The following NAV2 variants were observed in gnomAD, a reference collection of about 807,000 sequenced individuals.
NAV2 encodes the protein neuron navigator 2.
In NAV2, 54 loss-of-function variants were observed where a neutral mutation model predicts 223.2. The observed-to-expected ratio is 0.24, with a 90% CI of 0.19 to 0.30. The LOEUF is 0.30. NAV2 is among the 10% of genes least tolerant of loss of function. The pLI, the probability that NAV2 is intolerant of heterozygous loss-of-function variation, is 1.00. For missense variants in NAV2, 2,806 were observed against 3,147.5 expected (o/e 0.89, Z 2.60); for synonymous variants, 1,279 against 1,239.3 (o/e 1.03, Z -0.67).
At chr11:20,040,031 GATA>G (rs905268914) in intron 12 of NAV2, among the ~76,000 whole-genome samples, 13 of 152,196 alleles carry the variant, frequency 8.5e-5, no homozygotes, top group Admixed American at 1.3e-4. Flanking sequence ...GTAAAATGTG[GATA>G]ATAACACAGC....
At chr11:19,721,527 A>T (rs568763276) in intron 1 of NAV2, among the ~76,000 whole-genome samples, 4 of 152,366 alleles carry the variant, frequency 2.6e-5, no homozygotes, top group African/African-American at 9.6e-5. Flanking sequence ...TCATTATTTA[A>T]GACAACAGGC....
chr11:20,052,066 C>T (rs1053046499), intron 17 of NAV2, among the ~76,000 whole-genome samples: 5 of 152,314 alleles, frequency 3.3e-5, no homozygotes, highest in African/African-American at 1.2e-4. Context: ...TAATGCCTCC[C>T]CTGTGATCTT....
At position 20,036,033 on chromosome 11, in the gene NAV2, C is replaced by T. The variant is rs776896927; in HGVS notation, c.2843C>T (p.Thr948Ile). The T allele has an allele frequency of 6.2e-7, 1 of 1,614,122 alleles. No individual in the cohort carries two copies. Among genetic ancestry groups the T allele is most frequent in the African/African-American group, 1.3e-5 (1 of 74,940 alleles). ...AACCTCAGCACTGATGACATCAACA[C>T]CAGCTCCTCCATCAGCTCTTATGCC... ...IDNLSTDDIN[T>I]SSSISSYANT... The change falls in exon 12 of 38, where the codon ACC becomes ATC. Residue 948 changes from threonine to isoleucine, a missense_variant. Coordinates refer to ENST00000349880, the MANE Select transcript of NAV2 (RefSeq NM_145117.5).
intron 1 of NAV2, among the ~76,000 whole-genome samples, chr11:19,775,090 G>A (rs1565293038): frequency 6.6e-6 from 1 of 152,144 alleles, no homozygotes. Flanking sequence ...GCTTTAAAAA[G>A]CTGTGATAGA....
At chr11:19,616,335 T>TGTGTGTGTGTGTGTGC (rs1159006427) in intron 1 of NAV2, among the ~76,000 whole-genome samples, 1 of 148,302 alleles carries the variant, frequency 6.7e-6, no homozygotes, top group African/African-American at 2.5e-5. Flanking sequence ...TGTGTGTGTG[T>TGTGTGTGTGTGTGTGC]GCGCGCGCAT....
intron 1 of NAV2, among the ~76,000 whole-genome samples, chr11:19,642,305 C>A (rs566477143): frequency 6.6e-5 from 10 of 152,334 alleles, no homozygotes; most frequent in African/African-American, 1.9e-4. Flanking sequence ...CACCAGAAGA[C>A]AAAGCCATTT....
At chr11:19,447,961 C>G (rs1851647190) in intron 1 of NAV2, among the ~76,000 whole-genome samples, 1 of 152,230 alleles carries the variant, frequency 6.6e-6, no homozygotes, top group Non-Finnish European at 1.5e-5. Flanking sequence ...ACCTTCCTCT[C>G]TCTCCTCTGA....
intron 6 of NAV2, among the ~76,000 whole-genome samples, chr11:19,896,800 C>A (rs2042017189): frequency 6.6e-6 from 1 of 152,182 alleles, no homozygotes; most frequent in South Asian, 2.1e-4. Context: ...TAAACTAGTT[C>A]AACCATTGTG....
chr11:19,465,438 G>T (rs1159672564), intron 1 of NAV2, among the ~76,000 whole-genome samples: 1 of 152,116 alleles, frequency 6.6e-6, no homozygotes, highest in Non-Finnish European at 1.5e-5. Context: ...CATCCCAACA[G>T]ATTTTAATTA....
chr11:19,871,425 C>A (rs1171731207), intron 4 of NAV2, among the ~76,000 whole-genome samples: 6 of 152,094 alleles, frequency 3.9e-5, no homozygotes, highest in African/African-American at 1.4e-4. Flanking sequence ...GTGCCAGAGC[C>A]CCCAGGATTG....
chr11:19,643,818 C>T (rs935773327), intron 1 of NAV2, among the ~76,000 whole-genome samples: 9 of 152,184 alleles, frequency 5.9e-5, no homozygotes, highest in Non-Finnish European at 1.0e-4. Context: ...ACATCCTCTC[C>T]AGCACCTGTT....
intron 1 of NAV2, among the ~76,000 whole-genome samples, chr11:19,614,752 C>T (rs748409236): frequency 2.6e-5 from 4 of 152,176 alleles, no homozygotes; most frequent in Non-Finnish European, 5.9e-5. Flanking sequence ...TGTGGTTTTC[C>T]TGTTCTGCTC....
At chr11:19,969,138 C>T (rs1209178834) in intron 10 of NAV2, among the ~76,000 whole-genome samples, 7 of 152,220 alleles carry the variant, frequency 4.6e-5, no homozygotes, top group Non-Finnish European at 8.8e-5. Context: ...AAAAGAGAAA[C>T]ACAGTTCTTT....
intron 7 of NAV2, among the ~76,000 whole-genome samples, chr11:19,936,356 G>A (rs563995547): frequency 2.0e-5 from 3 of 151,850 alleles, no homozygotes; most frequent in African/African-American, 4.8e-5. Flanking sequence ...TTTGTTGTTC[G>A]CTATAATCAT....
intron 1 of NAV2, among the ~76,000 whole-genome samples, chr11:19,579,418 C>T (rs1020516385): frequency 6.6e-6 from 1 of 152,158 alleles, no homozygotes; most frequent in African/African-American, 2.4e-5. Flanking sequence ...CCCTTCATAA[C>T]ACAGCTCAAG....
intron 1 of NAV2, among the ~76,000 whole-genome samples, chr11:19,762,018 G>T (rs959388101): frequency 6.6e-6 from 1 of 152,100 alleles, no homozygotes; most frequent in Admixed American, 6.5e-5. Context: ...CAAGGGGGGC[G>T]GATCACCTGA....
rs752789197 is a variant in NAV2 at position 20,114,783 on chromosome 11, A to G, written c.7152A>G (p.Glu2384=). The G allele has an allele frequency of 6.2e-7, 1 of 1,613,390 alleles. No individual in the cohort carries two copies. Among genetic ancestry groups the G allele is most frequent in the East Asian group, 2.2e-5 (1 of 44,832 alleles). Residue 2384 remains glutamate (E), a synonymous_variant, in exon 37 of 38, where the codon GAA becomes GAG. Transcript: ENST00000349880. ...TSKQMPPSDA[E]GDPLMNMLMR... Reference sequence around the variant, plus strand: ...AGCAGATGCCCCCCAGTGATGCTGAAGGTGACCCGCTGGTGAGTCCTCAGC... The same window carrying G: ...AGCAGATGCCCCCCAGTGATGCTGAGGGTGACCCGCTGGTGAGTCCTCAGC...
intron 36 of NAV2, among the ~76,000 whole-genome samples, chr11:20,112,081 GC>G (rs1277458603): frequency 6.6e-6 from 1 of 152,158 alleles, no homozygotes; most frequent in African/African-American, 2.4e-5. Context: ...GGGAAATGCA[GC>G]CCAGTTTCCA....
intron 2 of NAV2, among the ~76,000 whole-genome samples, chr11:19,835,227 A>G (rs1188938192): frequency 2.0e-5 from 3 of 152,192 alleles, no homozygotes; most frequent in African/African-American, 7.2e-5. Flanking sequence ...CAGAGACCCA[A>G]GTTAGCACCA....
Sources: gnomAD v4.1 joint callset for allele counts (sites outside exome capture counted in the v4.1 genomes callset) on GRCh38, gnomAD v4.1.1 for gene constraint, MANE v1.5 for transcripts, NCBI Gene and HGNC (gene_info 2026-07-23, HGNC 2026-07-21) for gene names.